The following EPSTI1 variants were observed in gnomAD, a reference collection of about 807,000 sequenced individuals.
The protein encoded by EPSTI1 is epithelial-stromal interaction protein 1.
Under a neutral mutation model 49.9 loss-of-function variants are expected in EPSTI1, and 66 were observed. That is an observed-to-expected ratio of 1.32 (90% CI 1.08 to 1.62). The LOEUF (loss-of-function observed/expected upper bound fraction) is 1.62. Ranked by LOEUF, EPSTI1 falls within the 40% of genes most tolerant of loss-of-function variation. EPSTI1 has a pLI of 0.00. For missense variants in EPSTI1, 394 were observed against 365.5 expected (o/e 1.08, Z -0.64); for synonymous variants, 137 against 130.7 (o/e 1.05, Z -0.33).
chr13:42,908,550 A>C (rs1392413274), intron 8 of EPSTI1, among the ~76,000 whole-genome samples: 4 of 152,004 alleles, frequency 2.6e-5, no homozygotes, highest in Non-Finnish European at 1.5e-5. Context: ...GGTCTGGGCA[A>C]GGATTTTTTG....
At chr13:42,938,017 T>A (rs1170418850) in intron 6 of EPSTI1, among the ~76,000 whole-genome samples, 1 of 152,164 alleles carries the variant, frequency 6.6e-6, no homozygotes, top group African/African-American at 2.4e-5. Flanking sequence ...TTAGCAAGCA[T>A]GAAAACATTA....
intron 10 of EPSTI1, among the ~76,000 whole-genome samples, chr13:42,893,868 C>T (rs957536979): frequency 6.6e-6 from 1 of 152,186 alleles, no homozygotes; most frequent in Admixed American, 6.5e-5. Flanking sequence ...CCATTTTCCA[C>T]ATGACTCCTA....
At chr13:42,937,569 A>G (rs927157907) in intron 6 of EPSTI1, among the ~76,000 whole-genome samples, 29 of 152,236 alleles carry the variant, frequency 1.9e-4, no homozygotes, top group African/African-American at 6.5e-4. Flanking sequence ...CTTCAGCAGG[A>G]GTAGTTCCCA....
At chr13:42,925,094 C>T (rs961976561) in intron 7 of EPSTI1, among the ~76,000 whole-genome samples, 5 of 152,188 alleles carry the variant, frequency 3.3e-5, no homozygotes, top group African/African-American at 1.2e-4. Flanking sequence ...CCGCTTTCAC[C>T]TTCTAAGCAG....
At chr13:42,909,336 TG>T (rs1472431761) in intron 8 of EPSTI1, among the ~76,000 whole-genome samples, 2 of 151,990 alleles carry the variant, frequency 1.3e-5, no homozygotes, top group African/African-American at 2.4e-5. Flanking sequence ...ACGCTGCTTG[TG>T]GGGGGTGTAA....
At chr13:42,927,667 A>T (rs574398238) in intron 6 of EPSTI1, among the ~76,000 whole-genome samples, 41 of 152,188 alleles carry the variant, frequency 2.7e-4, no homozygotes, top group Non-Finnish European at 5.4e-4. Context: ...AAAAGGTCAG[A>T]AGCTTGATCT....
chr13:42,894,331 T>C (rs2037125185), intron 10 of EPSTI1, among the ~76,000 whole-genome samples: 1 of 152,224 alleles, frequency 6.6e-6, no homozygotes, highest in African/African-American at 2.4e-5. Flanking sequence ...AGAGAGAAGG[T>C]AGTTATACAC....
chr13:42,966,699 T>G (rs1425617379), intron 3 of EPSTI1, among the ~76,000 whole-genome samples: 3 of 74,720 alleles, frequency 4.0e-5, no homozygotes, highest in African/African-American at 8.5e-5. Flanking sequence ...GGTGGGGGGG[T>G]CAGCCCCCCG....
intron 6 of EPSTI1, among the ~76,000 whole-genome samples, chr13:42,946,088 C>T (rs1409879161): frequency 6.6e-6 from 1 of 152,090 alleles, no homozygotes; most frequent in Non-Finnish European, 1.5e-5. Flanking sequence ...TTCAGAAGCT[C>T]CCATGAAGGG....
intron 6 of EPSTI1, among the ~76,000 whole-genome samples, chr13:42,950,872 G>A (rs1454862916): frequency 6.6e-6 from 1 of 152,138 alleles, no homozygotes; most frequent in African/African-American, 2.4e-5. Flanking sequence ...AATCCAAAGA[G>A]GTGGCTGGGT....
intron 7 of EPSTI1, among the ~76,000 whole-genome samples, chr13:42,923,127 G>A (rs993048603): frequency 6.6e-6 from 1 of 152,144 alleles, no homozygotes; most frequent in African/African-American, 2.4e-5. Flanking sequence ...AGAGACGGAG[G>A]GACAGAGAGA....
intron 6 of EPSTI1, among the ~76,000 whole-genome samples, chr13:42,928,107 C>G (rs1594664328): frequency 6.6e-6 from 1 of 152,176 alleles, no homozygotes; most frequent in Non-Finnish European, 1.5e-5. Context: ...ATCACTGCCC[C>G]ACTCATGCCG....
chr13:42,976,367 T>C (rs544346681), intron 1 of EPSTI1, among the ~76,000 whole-genome samples: 1 of 152,200 alleles, frequency 6.6e-6, no homozygotes, highest in South Asian at 2.1e-4. Context: ...GGTTCCCAGC[T>C]AAATAAATAA....
Position 42,917,633 on chromosome 13 carries a change from G to GTAAAAA in EPSTI1, c.658-10_658-9insTTTTTA. The stretch of plus-strand genomic sequence containing the variant: ...TAAGCCCAGCTTCTGGCCTGTAAAG[G>GTAAAAA]TACAAAGAGAAAAAAAAAAAAAAAA... On this transcript the variant is annotated splice_polypyrimidine_tract_variant and intron_variant, in intron 7 of 10. Transcript: ENST00000313624. 3 of 292,824 alleles carry GTAAAAA rather than the reference G, an allele frequency of 1.0e-5. No homozygotes were observed. Among genetic ancestry groups the GTAAAAA allele is most frequent in the Non-Finnish European group, 1.9e-5 (3 of 156,730 alleles). 18.1% of individuals were successfully genotyped at this position (292,824 alleles called of 1,614,324 possible).
rs1003430926 is a variant in EPSTI1 at position 42,924,925 on chromosome 13, G to A, written c.657+1411C>T. Among the ~76,000 whole-genome samples the A allele has an allele frequency of 3.9e-5, 6 of 152,012 alleles. No individual in the cohort carries two copies. In the East Asian group the frequency reaches 1.2e-3, roughly 29 times the overall value. On this transcript the variant is annotated intron_variant, in intron 7 of 10. Coordinates refer to ENST00000313624, the MANE Select transcript of EPSTI1 (RefSeq NM_033255.5). ...AGGGGTAAGGGGAGATGAAGATGAGGGTTCTTTAACAACTCATTTAGCTAC... is the reference window on the plus strand; with the variant it reads ...AGGGGTAAGGGGAGATGAAGATGAGAGTTCTTTAACAACTCATTTAGCTAC...
chr13:42,888,358 G>A lies in EPSTI1; in HGVS notation c.*136C>T. The A allele has an allele frequency of 1.9e-6, 3 of 1,614,130 alleles. No individual in the cohort carries two copies. The highest frequency in any genetic ancestry group is 2.5e-6 in the Non-Finnish European group (3 of 1,179,996). ...GGACAAGGAGAAGCCAGTCACTCCT[G>A]ACTGCACGGTCAAGTGTGTGGGCAG... On this transcript the variant is annotated 3_prime_UTR_variant, in exon 11 of 11. Coordinates refer to ENST00000313624, the MANE Select transcript of EPSTI1 (RefSeq NM_033255.5).
chr13:42,952,669 G>A (rs2039136587), intron 6 of EPSTI1, among the ~76,000 whole-genome samples: 1 of 152,172 alleles, frequency 6.6e-6, no homozygotes, highest in African/African-American at 2.4e-5. Context: ...ATGAAAATGA[G>A]AGTGATGCTC....
At chr13:42,949,049 C>G (rs2039012405) in intron 6 of EPSTI1, among the ~76,000 whole-genome samples, 1 of 152,174 alleles carries the variant, frequency 6.6e-6, no homozygotes, top group Admixed American at 6.5e-5. Flanking sequence ...CACTAACAGA[C>G]TCTTTGTGGC....
At chr13:42,907,611 C>G (rs1287770223) in intron 8 of EPSTI1, among the ~76,000 whole-genome samples, 1 of 152,180 alleles carries the variant, frequency 6.6e-6, no homozygotes, top group Non-Finnish European at 1.5e-5. Flanking sequence ...ATATTGACGT[C>G]TACTAGTGGA....
Sources: gnomAD v4.1 joint callset for allele counts (sites outside exome capture counted in the v4.1 genomes callset) on GRCh38, gnomAD v4.1.1 for gene constraint, MANE v1.5 for transcripts, NCBI Gene and HGNC (gene_info 2026-07-23, HGNC 2026-07-21) for gene names.